CA1: variants seen among roughly 807,000 people sequenced by gnomAD.
CA1 encodes carbonate dehydratase I.
CA1 carries 27 observed loss-of-function variants against 28.8 expected under a neutral mutation model. That is an observed-to-expected ratio of 0.94 (90% confidence interval 0.69 to 1.29). CA1 has a LOEUF of 1.29. Among genes scored for constraint, CA1 ranks in the 50% most tolerant of loss-of-function variants. The pLI is 0.00. For missense variants in CA1, 335 were observed against 310.5 expected (o/e 1.08, Z -0.59); for synonymous variants, 121 against 108.8 (o/e 1.11, Z -0.70).
intron 1 of CA1, among the ~76,000 whole-genome samples, chr8:85,360,779 C>T (rs1337458368): frequency 2.0e-5 from 3 of 152,180 alleles, no homozygotes; most frequent in Non-Finnish European, 4.4e-5. Flanking sequence ...ATTACACCAT[C>T]CCTGTTTCTT....
At chr8:85,334,719 A>G (rs768336227) in intron 4 of CA1, among the ~76,000 whole-genome samples, 1 of 151,828 alleles carries the variant, frequency 6.6e-6, no homozygotes, top group Non-Finnish European at 1.5e-5. Context: ...CTTTTTAAAA[A>G]CAGTATCTCA....
intron 1 of CA1, among the ~76,000 whole-genome samples, chr8:85,366,451 G>T (rs1434657544): frequency 6.6e-6 from 1 of 152,090 alleles, no homozygotes; most frequent in East Asian, 1.9e-4. Context: ...CCACTGTTTA[G>T]AAAAACATAG....
intron 1 of CA1, among the ~76,000 whole-genome samples, chr8:85,362,093 CA>C (rs1809819730): frequency 6.6e-6 from 1 of 152,192 alleles, no homozygotes; most frequent in African/African-American, 2.4e-5. Flanking sequence ...CATTCCTTCT[CA>C]GTCTCTGGGA....
At chr8:85,367,135 C>A (rs1204601710) in intron 1 of CA1, among the ~76,000 whole-genome samples, 1 of 151,664 alleles carries the variant, frequency 6.6e-6, no homozygotes, top group African/African-American at 2.4e-5. Flanking sequence ...TAAAATTATT[C>A]TTGCCTTAAG....
chr8:85,335,390 T>G (rs2130163187), intron 4 of CA1, among the ~76,000 whole-genome samples: 2 of 152,292 alleles, frequency 1.3e-5, no homozygotes, highest in African/African-American at 4.8e-5. Flanking sequence ...CTGTCAACAA[T>G]TATTAAGATA....
intron 4 of CA1, among the ~76,000 whole-genome samples, chr8:85,336,671 A>G (rs1247396996): frequency 6.6e-6 from 1 of 152,180 alleles, no homozygotes; most frequent in Non-Finnish European, 1.5e-5. Flanking sequence ...CATCCTTTGA[A>G]GCTAGCTTTG....
intron 1 of CA1, among the ~76,000 whole-genome samples, chr8:85,365,363 A>T (rs1809966447): frequency 5.3e-5 from 8 of 152,232 alleles, no homozygotes; most frequent in Admixed American, 2.6e-4. Flanking sequence ...ATGAAAGGTG[A>T]GATTAAATGA....
At chr8:85,375,345 C>T (rs904609913) in intron 1 of CA1, among the ~76,000 whole-genome samples, 7 of 152,254 alleles carry the variant, frequency 4.6e-5, no homozygotes, top group Admixed American at 2.0e-4. Flanking sequence ...ACTCACCTAT[C>T]GCATGCTGGC....
chr8:85,332,377 G>T, intron 6 of CA1, 113 bp downstream of exon 6: 3 of 794,530 alleles, frequency 3.8e-6, no homozygotes, highest in Non-Finnish European at 6.5e-6. Context: ...ATTTTCAGTT[G>T]GTAGCTTTTA....
chr8:85,365,161 G>A (rs1809956721), intron 1 of CA1, among the ~76,000 whole-genome samples: 1 of 152,192 alleles, frequency 6.6e-6, no homozygotes, highest in African/African-American at 2.4e-5. Flanking sequence ...GGGAATCTCA[G>A]AATTGAGTTA....
intron 3 of CA1, chr8:85,337,940 G>A (rs1808729472): frequency 2.2e-6 from 1 of 453,482 alleles, no homozygotes; most frequent in African/African-American, 2.0e-5. Context: ...TGTAATGACT[G>A]GTTCACTAGA....
At chr8:85,365,986 G>A (rs1809990208) in intron 1 of CA1, among the ~76,000 whole-genome samples, 1 of 152,108 alleles carries the variant, frequency 6.6e-6, no homozygotes, top group Non-Finnish European at 1.5e-5. Flanking sequence ...TGCAATCAAT[G>A]AAACCCAGTA....
At chr8:85,329,544 T>C (rs1445770375) in intron 7 of CA1, 145 bp downstream of exon 7, 2 of 787,094 alleles carry the variant, frequency 2.5e-6, no homozygotes, top group Admixed American at 2.0e-5. Flanking sequence ...AATAAACCTA[T>C]GTCCCCAAAT....
chr8:85,376,975 A>G (rs1810442516), intron 1 of CA1, among the ~76,000 whole-genome samples: 2 of 152,206 alleles, frequency 1.3e-5, no homozygotes, highest in South Asian at 4.1e-4. Context: ...AAGTGGATTT[A>G]CAATACTGGG....
chr8:85,344,235 AATATATAAT>A (rs1809062439), intron 1 of CA1, among the ~76,000 whole-genome samples: 3 of 100,932 alleles, frequency 3.0e-5, no homozygotes, highest in Admixed American at 1.1e-4. Flanking sequence ...TACAGTATAT[AATATATAAT>A]TATATATTAT....
At chr8:85,357,715 G>T (rs1207541187) in intron 1 of CA1, among the ~76,000 whole-genome samples, 1 of 152,178 alleles carries the variant, frequency 6.6e-6, no homozygotes, top group Non-Finnish European at 1.5e-5. Flanking sequence ...AACCTATTAG[G>T]CTGGACGGGA....
In CA1 at chr8:85,337,000, C is replaced by G. The variant is rs750845908; in HGVS notation, c.299G>C (p.Ser100Thr). The G allele has an allele frequency of 1.9e-6, 3 of 1,613,270 alleles. No homozygotes were observed. Among genetic ancestry groups the G allele is most frequent in the Non-Finnish European group, 2.5e-6 (3 of 1,179,350 alleles). ...ATGTTCTGAACCATGCTCATTTGTA[C>G]TGCCCCAGTGAAAATGGAACTGAAA... ...RLFQFHFHWG[S>T]TNEHGSEHTV... is the part of the protein sequence containing the mutation. Residue 100 changes from serine (S) to threonine (T), a missense_variant, in exon 4 of 8, where the codon AGT becomes ACT. Coordinates refer to ENST00000523022, the MANE Select transcript of CA1 (RefSeq NM_001128831.4).
At position 85,359,865 on chromosome 8, in the gene CA1, C is replaced by T. The variant is rs11775032; in HGVS notation, c.-25+18181G>A. Among the ~76,000 whole-genome samples the T allele has an allele frequency of 1.3e-5, 2 of 152,168 alleles. 1 individual carries two copies. Among genetic ancestry groups the T allele is most frequent in the South Asian group, 4.1e-4 (2 of 4,832 alleles). On this transcript the variant is annotated intron_variant, in intron 1 of 7. Transcript: ENST00000523022. ...CTGGGACATCCAGATACCCTGAAAC[C>T]TGAGTCCCAGGGCTTAAAACCCACT...
intron 1 of CA1, among the ~76,000 whole-genome samples, chr8:85,364,937 T>A (rs757781495): frequency 1.1e-4 from 16 of 152,196 alleles, no homozygotes; most frequent in Non-Finnish European, 2.2e-4. Context: ...GGTGCTCAGC[T>A]TCTAGACGGT....
Sources: gnomAD v4.1 joint callset for allele counts (sites outside exome capture counted in the v4.1 genomes callset) on GRCh38, gnomAD v4.1.1 for gene constraint, MANE v1.5 for transcripts, NCBI Gene and HGNC (gene_info 2026-07-23, HGNC 2026-07-21) for gene names.